Variants in NAV3 observed in about 807,000 individuals in gnomAD.
NAV3 encodes the protein pore membrane and/or filament interacting like protein 1.
NAV3 carries 87 observed loss-of-function variants against 244.7 expected under a neutral mutation model. The ratio of observed to expected loss-of-function variants is 0.36; its 90% CI spans 0.30 to 0.42. NAV3 has a LOEUF of 0.42. Among genes scored for constraint, NAV3 ranks in the 20% least tolerant of loss-of-function variants. The pLI, the probability that NAV3 is intolerant of heterozygous loss-of-function variation, is 1.00. For missense variants in NAV3, 2,663 were observed against 2,893.3 expected (o/e 0.92, Z 1.83); for synonymous variants, 1,126 against 1,042.2 (o/e 1.08, Z -1.55).
intron 9 of NAV3, among the ~76,000 whole-genome samples, chr12:78,041,830 T>A (rs1880909488): frequency 6.6e-6 from 1 of 152,188 alleles, no homozygotes; most frequent in Admixed American, 6.5e-5. Context: ...ACAGATTAAA[T>A]AGTTAGCTAT....
intron 2 of NAV3, among the ~76,000 whole-genome samples, chr12:77,633,180 C>T (rs1234042309): frequency 6.6e-6 from 1 of 151,924 alleles, no homozygotes; most frequent in Non-Finnish European, 1.5e-5. Context: ...GTTGTGTGTT[C>T]TATTATCTCC....
At chr12:77,793,194 T>A (rs1044709209) in intron 2 of NAV3, among the ~76,000 whole-genome samples, 1 of 152,174 alleles carries the variant, frequency 6.6e-6, no homozygotes, top group Non-Finnish European at 1.5e-5. Flanking sequence ...AAAAAAGCAG[T>A]ATAGTTATAA....
intron 2 of NAV3, among the ~76,000 whole-genome samples, chr12:77,586,049 G>GTAC (rs1869595241): frequency 6.6e-6 from 1 of 151,368 alleles, no homozygotes; most frequent in Admixed American, 6.6e-5. Flanking sequence ...GTAGTCCCAG[G>GTAC]TACTCGGGAG....
At position 78,121,932 on chromosome 12, in the gene NAV3, T is replaced by A. The variant is rs1208245286; in HGVS notation, c.3750-8T>A. 6.2e-7 allele frequency: 1 copy of A among 1,611,014 alleles called. No individual in the cohort carries two copies. Among genetic ancestry groups the A allele is most frequent in the Non-Finnish European group, 8.5e-7 (1 of 1,177,756 alleles). On this transcript the variant is annotated splice_region_variant and splice_polypyrimidine_tract_variant and intron_variant, in intron 15 of 39. Transcript: ENST00000397909. ...AACAACTGAAGTTGTTATTTGTTTTTCTTTTAGGTTGTTTGGTGCCAAGGC... is the reference window on the plus strand; with the variant it reads ...AACAACTGAAGTTGTTATTTGTTTTACTTTTAGGTTGTTTGGTGCCAAGGC...
intron 1 of NAV3, among the ~76,000 whole-genome samples, chr12:77,903,251 A>G (rs1334267323): frequency 6.6e-6 from 1 of 152,206 alleles, no homozygotes; most frequent in Non-Finnish European, 1.5e-5. Context: ...CTATATTACA[A>G]GGCTACAGTA....
At chr12:77,573,290 A>G (rs936580518) in intron 2 of NAV3, among the ~76,000 whole-genome samples, 6 of 152,166 alleles carry the variant, frequency 3.9e-5, no homozygotes, top group East Asian at 1.9e-4. Flanking sequence ...TGCTGAGTCA[A>G]TGGCTTATTA....
At chr12:78,007,589 C>A in intron 8 of NAV3, 144 bp downstream of exon 8, 1 of 859,610 alleles carries the variant, frequency 1.2e-6, no homozygotes, top group Non-Finnish European at 1.7e-6. Context: ...GCCTAGAATT[C>A]AGTGCGGAAT....
intron 35 of NAV3, 138 bp from the exon 36 acceptor site, chr12:78,198,467 A>T (rs1051823098): frequency 4.1e-6 from 2 of 482,944 alleles, no homozygotes; most frequent in East Asian, 7.4e-5. Flanking sequence ...GTCATTTTCC[A>T]TTACAGAATT....
At chr12:77,688,827 A>G (rs901061342) in intron 2 of NAV3, among the ~76,000 whole-genome samples, 4 of 151,766 alleles carry the variant, frequency 2.6e-5, no homozygotes, top group Non-Finnish European at 5.9e-5. Context: ...GGGAAAAGGA[A>G]GGTTATGTCT....
At chr12:78,140,432 C>A in intron 20 of NAV3, 98 bp downstream of exon 20, 3 of 1,077,744 alleles carry the variant, frequency 2.8e-6, no homozygotes, top group African/African-American at 1.6e-5. Context: ...TCATCTATGA[C>A]TTGCACAGGA....
At chr12:78,033,578 A>T (rs1879349072) in intron 9 of NAV3, among the ~76,000 whole-genome samples, 1 of 152,092 alleles carries the variant, frequency 6.6e-6, no homozygotes, top group Non-Finnish European at 1.5e-5. Context: ...CTCTCCAGAG[A>T]AGGAATAAGT....
At chr12:77,647,375 C>T (rs1872648123) in intron 2 of NAV3, among the ~76,000 whole-genome samples, 1 of 152,068 alleles carries the variant, frequency 6.6e-6, no homozygotes, top group African/African-American at 2.4e-5. Context: ...TCTGCATCAG[C>T]TAAAATCCCA....
chr12:77,818,282 C>T (rs1872596187), intron 2 of NAV3, among the ~76,000 whole-genome samples: 1 of 151,936 alleles, frequency 6.6e-6, no homozygotes, highest in East Asian at 1.9e-4. Context: ...TGCAAATATA[C>T]CATTATTATA....
intron 2 of NAV3, among the ~76,000 whole-genome samples, chr12:77,643,372 T>G (rs1179282076): frequency 6.6e-6 from 1 of 151,814 alleles, no homozygotes; most frequent in Non-Finnish European, 1.5e-5. Context: ...AATTTTTCAA[T>G]GTGGAGCAGG....
At chr12:77,847,641 A>T (rs975120402) in intron 1 of NAV3, among the ~76,000 whole-genome samples, 2 of 152,212 alleles carry the variant, frequency 1.3e-5, no homozygotes, top group Non-Finnish European at 2.9e-5. Flanking sequence ...ATGAGCAAAG[A>T]TGCTACACAA....
Position 78,190,050 on chromosome 12 carries a change from G to A in NAV3, c.6122G>A (p.Arg2041Lys), listed in dbSNP as rs1013564073. ...DTLIPKPITQRYFNLLMEHHR... is the reference protein window; with the variant it reads ...DTLIPKPITQKYFNLLMEHHR... ...CTGATTCCTAAACCAATTACCCAAAGGTACTTTAACTTGTTGATGGAGCAT... is the reference window on the plus strand; with the variant it reads ...CTGATTCCTAAACCAATTACCCAAAAGTACTTTAACTTGTTGATGGAGCAT... The change falls in exon 34 of 40, where the codon AGG becomes AAG. Residue 2041 changes from arginine to lysine, a missense_variant. Physicochemically the swap from Arg to Lys is conservative, Grantham distance 26. Around this residue, in one of 6 missense-constraint regions of NAV3, gnomAD observed 543 missense variants for 672.4 expected, o/e 0.81. Transcript: ENST00000397909. 1 of 1,613,046 alleles carries A rather than the reference G, an allele frequency of 6.2e-7. No individual in the cohort carries two copies. Among genetic ancestry groups the A allele is most frequent in the Non-Finnish European group, 8.5e-7 (1 of 1,179,424 alleles).
chr12:78,185,295 C>T (rs1345766762), intron 30 of NAV3, among the ~76,000 whole-genome samples: 1 of 151,708 alleles, frequency 6.6e-6, no homozygotes, highest in Non-Finnish European at 1.5e-5. Flanking sequence ...CTAAATATTA[C>T]TCAGGTATTA....
chr12:78,082,705 C>A (rs993986524), intron 12 of NAV3, among the ~76,000 whole-genome samples: 1 of 152,188 alleles, frequency 6.6e-6, no homozygotes, highest in Non-Finnish European at 1.5e-5. Context: ...TTATAACCCT[C>A]CAAATTCTCT....
intron 1 of NAV3, among the ~76,000 whole-genome samples, chr12:77,872,998 G>A (rs186034594): frequency 6.4e-4 from 97 of 152,256 alleles, no homozygotes; most frequent in Middle Eastern, 3.4e-3. Flanking sequence ...TTGATCATGG[G>A]GTGGGGATTT....
Sources: allele counts gnomAD v4.1 joint callset (sites outside exome capture counted in the v4.1 genomes callset), GRCh38; gene constraint gnomAD v4.1.1; regional missense constraint gnomAD v4.1.1; transcripts MANE v1.5; gene names NCBI Gene and HGNC (gene_info 2026-07-23, HGNC 2026-07-21).